ACAD9: variants seen among roughly 807,000 people sequenced by gnomAD.
ACAD9 encodes the protein acyl-CoA dehydrogenase family member 9.
Under a neutral mutation model 70.2 loss-of-function variants are expected in ACAD9, and 53 were observed. The observed-to-expected ratio is 0.75, with a 90% confidence interval of 0.61 to 0.95. ACAD9 has a LOEUF of 0.95. Ranked by LOEUF, ACAD9 falls within the 40% of genes least tolerant of loss-of-function variation. The probability of loss-of-function intolerance (pLI) is 0.00; values close to 1 mark genes in which losing one functional copy is unlikely to be tolerated. For missense variants in ACAD9, 777 were observed against 802.8 expected, an observed-to-expected ratio of 0.97 and a Z score of 0.39; for synonymous variants, 313 against 312.1, an observed-to-expected ratio of 1.00 and a Z score of -0.03.
In ACAD9 at chr3:128,884,744, A is replaced by T; in HGVS notation, c.242A>T (p.Glu81Val). The T allele has an allele frequency of 6.2e-7, 1 of 1,610,862 alleles. No individual in the cohort carries two copies. The highest frequency in any genetic ancestry group is 8.5e-7 in the Non-Finnish European group (1 of 1,177,486). Residue 81 changes from glutamate to valine, a missense_variant and splice_region_variant, in exon 2 of 18, where the codon GAG (glutamate) becomes GTG (valine). Physicochemically the swap from Glu to Val is moderately radical, Grantham distance 121. Coordinates refer to ENST00000308982, the MANE Select transcript of ACAD9 (RefSeq NM_014049.5). Reference sequence around the variant, plus strand: ...CCCGTGGAAAAATTCTTCACTGAAGAGGGTATGTATGGTTTTCTTTACCAT... The same window carrying T: ...CCCGTGGAAAAATTCTTCACTGAAGTGGGTATGTATGGTTTTCTTTACCAT... The part of the protein sequence containing the change: ...LGPVEKFFTE[E>V]VDSRKIDQEG...
In ACAD9 at chr3:128,899,519, TGACG is replaced by T. The variant is rs1380653831; in HGVS notation, c.808+60_808+63del. On this transcript the variant is annotated intron_variant, in intron 7 of 17. Transcript: ENST00000308982. The stretch of plus-strand genomic sequence containing the variant: ...TGTGTGTAAGGGGGAGACTGGCCTT[TGACG>T]GTGTGTGTGTGTGTGTGTGTGTGTG... 26 of 1,541,996 alleles carry T rather than the reference TGACG, an allele frequency of 1.7e-5. No homozygotes were observed. The African/African-American group carries it at 2.6e-4, about 15-fold the overall frequency.
chr3:128,890,864 C>T (rs1396951818), intron 2 of ACAD9, among the ~76,000 whole-genome samples: 4 of 141,646 alleles, frequency 2.8e-5, no homozygotes, highest in Non-Finnish European at 4.5e-5. Context: ...TTTTTTGAGA[C>T]GAAGTCTCAC....
intron 3 of ACAD9, among the ~76,000 whole-genome samples, chr3:128,894,527 T>A (rs1345974606): frequency 6.6e-6 from 1 of 151,622 alleles, no homozygotes; most frequent in African/African-American, 2.4e-5. Context: ...GGCACAAGAT[T>A]GCGAGCTTTT....
chr3:128,892,709 A>G (rs922399840), intron 2 of ACAD9, among the ~76,000 whole-genome samples: 1 of 152,238 alleles, frequency 6.6e-6, no homozygotes, highest in Admixed American at 6.5e-5. Flanking sequence ...GGTGTTAAAC[A>G]GGCTAAACTG....
At chr3:128,912,427 GA>G in intron 17 of ACAD9, 79 bp from the exon 18 acceptor site, 13 of 1,349,650 alleles carry the variant, frequency 9.6e-6, no homozygotes, top group Non-Finnish European at 9.4e-6. Context: ...TGACTTTGTG[GA>G]AAAATGCCCC....
At chr3:128,906,056 C>G in intron 11 of ACAD9, 65 bp from the exon 12 acceptor site, 2 of 1,611,906 alleles carry the variant, frequency 1.2e-6, no homozygotes, top group Admixed American at 1.7e-5. Context: ...CATGCCTCCC[C>G]AGCCACCCAG....
chr3:128,908,179 C>A lies in ACAD9; in HGVS notation c.1279-6C>A. 1 of 1,614,020 alleles carries A rather than the reference C, an allele frequency of 6.2e-7. No individual in the cohort carries two copies. Among genetic ancestry groups the A allele is most frequent in the Non-Finnish European group, 8.5e-7 (1 of 1,179,950 alleles). ...CAGCCTTTGACCTCTACACTACTGA[C>A]CACAGGGAACCAATGAGATTCTCCG... On this transcript the variant is annotated splice_polypyrimidine_tract_variant and splice_region_variant and intron_variant, in intron 12 of 17. Transcript: ENST00000308982.
At chr3:128,909,586 G>A in intron 15 of ACAD9, 165 bp downstream of exon 15, 2 of 750,662 alleles carry the variant, frequency 2.7e-6, no homozygotes, top group Non-Finnish European at 4.5e-6. Context: ...GTCAGCCTGG[G>A]GCCCACTTAG....
chr3:128,888,276 G>C (rs1050633425), intron 2 of ACAD9, among the ~76,000 whole-genome samples: 1 of 152,158 alleles, frequency 6.6e-6, no homozygotes, highest in Non-Finnish European at 1.5e-5. Context: ...TTAAAAGCAA[G>C]TAACATCTTA....
At chr3:128,887,114 G>A (rs565787193) in intron 2 of ACAD9, among the ~76,000 whole-genome samples, 2 of 151,984 alleles carry the variant, frequency 1.3e-5, no homozygotes. Context: ...CAGTAGAGAT[G>A]GGGTTTCACC....
intron 1 of ACAD9, among the ~76,000 whole-genome samples, chr3:128,880,531 T>A (rs1935059001): frequency 6.8e-6 from 1 of 147,912 alleles, no homozygotes; most frequent in Non-Finnish European, 1.5e-5. Flanking sequence ...TAGCTGGGAT[T>A]ACAGGCGCCT....
intron 9 of ACAD9, 30 bp from the exon 10 acceptor site, chr3:128,904,032 G>A (rs953310562): frequency 2.5e-6 from 4 of 1,609,922 alleles, no homozygotes; most frequent in Non-Finnish European, 3.4e-6. Context: ...AAATATTCCA[G>A]TTCATTCTAA....
chr3:128,899,784 C>T (rs1935683643), intron 7 of ACAD9, among the ~76,000 whole-genome samples: 1 of 152,120 alleles, frequency 6.6e-6, no homozygotes, highest in Non-Finnish European at 1.5e-5. Context: ...GCTTACAGTC[C>T]CCAGCCTTTA....
chr3:128,892,425 TTTAA>T (rs1459349919), intron 2 of ACAD9, among the ~76,000 whole-genome samples: 27 of 152,338 alleles, frequency 1.8e-4, no homozygotes, highest in Admixed American at 3.9e-4. Context: ...ACTGATGAAG[TTTAA>T]TTAGCAATTC....
chr3:128,884,841 T>G (rs1334033143), intron 2 of ACAD9, 95 bp downstream of exon 2: 2 of 992,472 alleles, frequency 2.0e-6, no homozygotes, highest in Non-Finnish European at 3.2e-6. Flanking sequence ...AGAAGTCTTC[T>G]TGAGGGAGAA....
intron 6 of ACAD9, chr3:128,898,300 G>A (rs1055579109): frequency 2.6e-5 from 10 of 389,724 alleles, no homozygotes; most frequent in South Asian, 1.2e-4. Context: ...AGATCGCATG[G>A]TAACAATCTC....
rs1935880368 is a variant in ACAD9 at position 128,906,107 on chromosome 3, G to A, written c.1150-14G>A. The A allele has an allele frequency of 6.2e-7, 1 of 1,614,126 alleles. No homozygotes were observed. The highest frequency in any genetic ancestry group is 1.3e-5 in the African/African-American group (1 of 75,048). On this transcript the variant is annotated splice_polypyrimidine_tract_variant and intron_variant, in intron 11 of 17. Coordinates refer to ENST00000308982, the MANE Select transcript of ACAD9 (RefSeq NM_014049.5). Reference sequence around the variant, plus strand: ...GTCCTCCTTTTGGAAAGGATTCAGTGTGACACCCCACAGGTGTTCAGCTCC... The same window carrying A: ...GTCCTCCTTTTGGAAAGGATTCAGTATGACACCCCACAGGTGTTCAGCTCC...
rs1306438508 is a variant in ACAD9 at position 128,909,372 on chromosome 3, C to T, written c.1514C>T (p.Thr505Ile). The change falls in exon 15 of 18, where the codon ACC (threonine) becomes ATC (isoleucine). Residue 505 changes from threonine (T) to isoleucine (I), a missense_variant. Coordinates refer to ENST00000308982, the MANE Select transcript of ACAD9 (RefSeq NM_014049.5). ...AGTGCCAACAAGTTTGAGGAGAACA[C>T]CTACTGCTTCGGCCGGACCGTGGAG... ...ADSANKFEEN[T>I]YCFGRTVETL... The T allele has an allele frequency of 1.2e-6, 2 of 1,614,196 alleles. No homozygotes were observed. Among genetic ancestry groups the T allele is most frequent in the East Asian group, 2.2e-5 (1 of 44,884 alleles).
rs142176941 is a variant in ACAD9, at chr3:128,905,164, AC to A, written c.1149+660del. Reference sequence around the variant, plus strand: ...ACTCCATCTCAAAAAAAAACAAAAAACAAAAAACATGTATGAGCCTGGGCAA... The same window carrying A: ...ACTCCATCTCAAAAAAAAACAAAAAAAAAAAACATGTATGAGCCTGGGCAA... On this transcript the variant is annotated intron_variant, in intron 11 of 17. Transcript: ENST00000308982. 0.012 allele frequency among the ~76,000 whole-genome samples: 1,862 copies of A among 152,146 alleles called. 137 individuals carry two copies. The East Asian group carries it at 0.22, about 18-fold the overall frequency.
Sources: gnomAD v4.1 joint callset for allele counts (sites outside exome capture counted in the v4.1 genomes callset) on GRCh38, gnomAD v4.1.1 for gene constraint, MANE v1.5 for transcripts, NCBI Gene and HGNC (gene_info 2026-07-23, HGNC 2026-07-21) for gene names.